Variants in APC observed in about 807,000 individuals in gnomAD.
The protein encoded by APC is APC regulator of Wnt signaling pathway.
Under a neutral mutation model 247.0 loss-of-function variants are expected in APC, and 72 were observed. That is an observed-to-expected ratio of 0.29 (90% CI 0.24 to 0.35). APC has a LOEUF of 0.35. Ranked by LOEUF, APC falls within the 10% of genes least tolerant of loss-of-function variation. The pLI is 1.00. For synonymous variants in APC, 1,254 were observed against 1,162.5 expected (o/e 1.08, Z -1.60); for missense variants, 3,400 against 3,360.7 (o/e 1.01, Z -0.29).
chr5:112,778,430 C>T lies in APC; in HGVS notation c.532-2360C>T, dbSNP rs1757923680. 2.8e-5 allele frequency: 4 copies of T among 143,668 alleles called. 1 individual carries two copies. In the South Asian group the frequency reaches 6.5e-4, roughly 24 times the overall value. The allele number at this position is 143,668 out of a possible 1,614,324, so 8.9% of individuals were successfully genotyped here. A position where few individuals can be genotyped will look rare whatever the true frequency, so the allele number is the denominator to read the frequency against. ...AGAGGAGTTTAGCATGGCCCTTGCT[C>T]AAGGATGACATGGAAATTGATGAAG... On this transcript the variant is annotated intron_variant, in intron 5 of 15. Transcript: ENST00000257430.
At chr5:112,835,600 T>G (rs1171464217) in intron 15 of APC, among the ~76,000 whole-genome samples, 9 of 146,530 alleles carry the variant, frequency 6.1e-5, no homozygotes, top group Admixed American at 6.8e-5. Context: ...TGAGACAGGG[T>G]CTCACTCTGT....
At chr5:112,818,376 G>T (rs1236202155) in intron 9 of APC, among the ~76,000 whole-genome samples, 2 of 152,032 alleles carry the variant, frequency 1.3e-5, no homozygotes. Context: ...ACAAATCCTG[G>T]CTCTCACTCT....
In APC at chr5:112,832,818, T is replaced by G. The variant is rs1580592405; in HGVS notation, c.1744-2133T>G. 2.0e-5 allele frequency among the ~76,000 whole-genome samples: 3 copies of G among 152,272 alleles called. No individual in the cohort carries two copies. The East Asian group carries it at 5.8e-4, about 29-fold the overall frequency. On this transcript the variant is annotated intron_variant, in intron 14 of 15. Coordinates refer to ENST00000257430, the MANE Select transcript of APC (RefSeq NM_000038.6). ...GTAATAGTTTTTTCTTTGGAGCACT[T>G]TGTTTCATGTATATTTTTGTATCTT...
rs2149842821 is a variant in APC at position 112,835,066 on chromosome 5, T to C, written c.1859T>C (p.Leu620Pro). The C allele has an allele frequency of 6.2e-7, 1 of 1,614,174 alleles. No individual in the cohort carries two copies. ...GCACTTGCATTTTTGGTTGGCACTC[T>C]TACTTACCGGAGCCAGACAAACACT... ...DGALAFLVGT[L>P]TYRSQTNTLA... The change falls in exon 15 of 16, where the codon CTT becomes CCT. Residue 620 changes from leucine to proline, a missense_variant. Transcript: ENST00000257430.
chr5:112,828,492 G>C (rs1242371977), intron 13 of APC, among the ~76,000 whole-genome samples: 3 of 149,920 alleles, frequency 2.0e-5, no homozygotes, highest in African/African-American at 7.3e-5. Context: ...TCCCTCTCTT[G>C]CCCAGGCTGG....
At chr5:112,755,551 A>G (rs1459931260) in intron 2 of APC, among the ~76,000 whole-genome samples, 1 of 152,164 alleles carries the variant, frequency 6.6e-6, no homozygotes, top group African/African-American at 2.4e-5. Context: ...ATTCTTCAGA[A>G]CTTAAGTTGT....
intron 4 of APC, among the ~76,000 whole-genome samples, chr5:112,773,321 A>G (rs966591237): frequency 2.0e-5 from 3 of 152,188 alleles, no homozygotes; most frequent in African/African-American, 7.2e-5. Context: ...AGAGTGGGGA[A>G]CGTCTCTCTG....
At position 112,844,024 on chromosome 5, in the gene APC, TAAC is replaced by T. The variant is rs755037662; in HGVS notation, c.8435_8437del (p.Asn2812del). The T allele has an allele frequency of 6.2e-7, 1 of 1,602,874 alleles. No homozygotes were observed. The highest frequency in any genetic ancestry group is 1.7e-5 in the Admixed American group (1 of 57,158). Reference sequence around the variant, plus strand: ...CATCTCAGATCCCAACTCCAGTGAATAACAACACAAAGAAGCGAGATTCCAAAA... The same window carrying T: ...CATCTCAGATCCCAACTCCAGTGAATAACACAAAGAAGCGAGATTCCAAAA... On this transcript the variant is annotated inframe_deletion, in exon 16 of 16. Coordinates refer to ENST00000257430, the MANE Select transcript of APC (RefSeq NM_000038.6).
intron 4 of APC, among the ~76,000 whole-genome samples, chr5:112,771,765 A>G (rs1445411178): frequency 6.6e-6 from 1 of 152,054 alleles, no homozygotes; most frequent in African/African-American, 2.4e-5. Flanking sequence ...TACTTCTTTG[A>G]TGATTTTCCC....
At chr5:112,754,375 G>A (rs889519215) in intron 1 of APC, among the ~76,000 whole-genome samples, 2 of 152,092 alleles carry the variant, frequency 1.3e-5, no homozygotes, top group Non-Finnish European at 2.9e-5. Context: ...TCACCATGGA[G>A]GATGTGTAAG....
Position 112,839,514 on chromosome 5 carries a change from T to C in APC, c.3920T>C (p.Ile1307Thr). ...GCTAATACCCTGCAAATAGCAGAAATAAAAGAAAAGATTGGAACTAGGTCA... is the reference window on the plus strand; with the variant it reads ...GCTAATACCCTGCAAATAGCAGAAACAAAAGAAAAGATTGGAACTAGGTCA... ...DSANTLQIAE[I>T]KEKIGTRSAE... Residue 1307 changes from isoleucine to threonine, a missense_variant, in exon 16 of 16, where the codon ATA (isoleucine) becomes ACA (threonine). Coordinates refer to ENST00000257430, the MANE Select transcript of APC (RefSeq NM_000038.6). This position sits in a 1 kb window ranked among gnomAD's most constrained non-coding sequence, Gnocchi z 5.0. 1 of 1,614,038 alleles carries C rather than the reference T, an allele frequency of 6.2e-7. No homozygotes were observed. Among genetic ancestry groups the C allele is most frequent in the East Asian group, 2.2e-5 (1 of 44,880 alleles).
chr5:112,785,076 A>G (rs1023301219), intron 6 of APC, among the ~76,000 whole-genome samples: 12 of 152,164 alleles, frequency 7.9e-5, no homozygotes, highest in African/African-American at 2.9e-4. Context: ...AAAAGAAAAC[A>G]GAAATAATGA....
intron 2 of APC, among the ~76,000 whole-genome samples, chr5:112,759,191 A>T (rs1438080788): frequency 6.6e-6 from 1 of 152,210 alleles, no homozygotes; most frequent in Non-Finnish European, 1.5e-5. Flanking sequence ...AAGTGTACTT[A>T]TATCTGGTAA....
intron 11 of APC, among the ~76,000 whole-genome samples, chr5:112,825,616 C>T (rs1250834926): frequency 2.6e-5 from 4 of 152,146 alleles, no homozygotes; most frequent in Non-Finnish European, 5.9e-5. Context: ...CTTTGGGAGG[C>T]CGAGGCAGGA....
upstream of APC, among the ~76,000 whole-genome samples, chr5:112,735,099 T>TA (rs765873641): frequency 1.3e-5 from 2 of 152,180 alleles, no homozygotes; most frequent in Non-Finnish European, 2.9e-5. Flanking sequence ...CAAACACTGA[T>TA]ACTGAAAATA....
intron 6 of APC, among the ~76,000 whole-genome samples, chr5:112,788,052 C>T (rs1033944866): frequency 3.9e-5 from 6 of 151,916 alleles, no homozygotes; most frequent in East Asian, 1.9e-4. Context: ...TATTGGATAC[C>T]GCACTAGTTC....
intron 7 of APC, among the ~76,000 whole-genome samples, chr5:112,798,291 T>C (rs763701893): frequency 1.3e-5 from 2 of 152,230 alleles, no homozygotes; most frequent in African/African-American, 2.4e-5. Context: ...TGGATGAACC[T>C]CCAGAACATG....
At chr5:112,735,853 C>A (rs528895412), upstream of APC, among the ~76,000 whole-genome samples, 1 of 152,188 alleles carries the variant, frequency 6.6e-6, no homozygotes, top group South Asian at 2.1e-4. Context: ...GCTTTCTTTA[C>A]AACTATGTCA....
At chr5:112,727,615 C>G (rs1196496257) in intron 1 of APC, among the ~76,000 whole-genome samples, 4 of 152,036 alleles carry the variant, frequency 2.6e-5, no homozygotes, top group African/African-American at 9.7e-5. Flanking sequence ...ATCAGGTAAT[C>G]TGGGCATTTT....
Sources: allele counts gnomAD v4.1 joint callset (sites outside exome capture counted in the v4.1 genomes callset), GRCh38; gene constraint gnomAD v4.1.1; non-coding constraint Gnocchi (gnomAD v3.1); transcripts MANE v1.5; gene names NCBI Gene and HGNC (gene_info 2026-07-23, HGNC 2026-07-21).